The following MACROD2 variants were observed in gnomAD, a reference collection of about 807,000 sequenced individuals.
MACROD2 encodes the protein mono-ADP ribosylhydrolase 2, also known as ADP-ribose glycohydrolase MACROD2.
Under a neutral mutation model 70.4 loss-of-function variants are expected in MACROD2, and 36 were observed. The observed-to-expected ratio is 0.51, with a 90% CI of 0.39 to 0.68. The LOEUF is 0.68. Ranked by LOEUF, MACROD2 falls within the 30% of genes least tolerant of loss-of-function variation. The pLI is 0.00. For missense variants in MACROD2, 496 were observed against 538.4 expected (o/e 0.92, Z 0.78); for synonymous variants, 172 against 178.8 (o/e 0.96, Z 0.30).
At position 14,117,044 on chromosome 20, in the gene MACROD2, C is replaced by T. The variant is rs543625477; in HGVS notation, c.271+31316C>T. ...ATCGTGCCACTGCACTCCAGCCTGGCGACAGAACAAGACTCCATCTCAAAA... is the reference window on the plus strand; with the variant it reads ...ATCGTGCCACTGCACTCCAGCCTGGTGACAGAACAAGACTCCATCTCAAAA... On this transcript the variant is annotated intron_variant, in intron 3 of 17. Transcript: ENST00000684519. 4.9e-4 allele frequency among the ~76,000 whole-genome samples: 67 copies of T among 136,600 alleles called. 1 individual carries two copies. The South Asian group carries it at 5.1e-3, about 10-fold the overall frequency. 89.6% of individuals were successfully genotyped at this position (136,600 alleles called of 152,430 possible). A position where few individuals can be genotyped will look rare whatever the true frequency, so the allele number is the denominator to read the frequency against.
chr20:15,232,987 G>A lies in MACROD2; in HGVS notation c.540+2926G>A, dbSNP rs368737851. ...ACCCTGACGTTATCAGGTAACTTCC[G>A]TGACAAAGAGAGGATCTAGTGGTTG... On this transcript the variant is annotated intron_variant, in intron 6 of 17. Transcript: ENST00000684519. Among the ~76,000 whole-genome samples, 43 of 151,912 alleles carry A rather than the reference G, an allele frequency of 2.8e-4. 1 individual carries two copies. The South Asian group carries it at 4.6e-3, about 16-fold the overall frequency.
At chr20:15,675,058 T>A (rs2050038254) in intron 8 of MACROD2, among the ~76,000 whole-genome samples, 1 of 152,200 alleles carries the variant, frequency 6.6e-6, no homozygotes, top group East Asian at 1.9e-4. Context: ...ATATAAAACA[T>A]GCAGCAAAAT....
chr20:15,878,758 C>G (rs1601043640), intron 9 of MACROD2, among the ~76,000 whole-genome samples: 1 of 152,026 alleles, frequency 6.6e-6, no homozygotes, highest in African/African-American at 2.4e-5. Flanking sequence ...AACTCTGTCT[C>G]CAATAAAAGA....
chr20:15,157,424 T>G (rs2076317111), intron 5 of MACROD2, among the ~76,000 whole-genome samples: 1 of 145,284 alleles, frequency 6.9e-6, no homozygotes, highest in Admixed American at 7.1e-5. Flanking sequence ...GCTGGAGCTT[T>G]GACATATGAA....
chr20:15,531,376 T>C (rs2047799100), intron 8 of MACROD2, among the ~76,000 whole-genome samples: 1 of 151,934 alleles, frequency 6.6e-6, no homozygotes, highest in African/African-American at 2.4e-5. Flanking sequence ...TAATATTTTT[T>C]CTTCTCCTCC....
In MACROD2 at chr20:15,790,552, A is replaced by G. The variant is rs142506726; in HGVS notation, c.646-72193A>G. 8.5e-3 allele frequency among the ~76,000 whole-genome samples: 1,289 copies of G among 152,044 alleles called. 6 individuals are homozygous for G. The highest frequency in any genetic ancestry group is 0.016 in the African/African-American group (681 of 41,536). ...TCAGATTATCCAGGAGGCCGTGTCT[A>G]GGGTTCTTATGTGATTTATGTCTCT... On this transcript the variant is annotated intron_variant, in intron 8 of 17. Transcript: ENST00000684519.
At chr20:14,522,123 C>T (rs1283644687) in intron 4 of MACROD2, among the ~76,000 whole-genome samples, 2 of 152,126 alleles carry the variant, frequency 1.3e-5, no homozygotes, top group Non-Finnish European at 2.9e-5. Flanking sequence ...CTTCTTCTGT[C>T]TGGTTTACAT....
intron 6 of MACROD2, among the ~76,000 whole-genome samples, chr20:15,305,780 C>T (rs536246398): frequency 1.9e-4 from 29 of 151,988 alleles, no homozygotes; most frequent in African/African-American, 4.8e-4. Context: ...AACTATAGAC[C>T]GTAACATATA....
chr20:15,129,814 A>G (rs556019656), intron 5 of MACROD2, among the ~76,000 whole-genome samples: 3 of 151,940 alleles, frequency 2.0e-5, no homozygotes, highest in Admixed American at 2.0e-4. Context: ...GGCTTTTAGC[A>G]TTTCTGCCTC....
At chr20:15,646,152 T>C (rs1006121070) in intron 8 of MACROD2, among the ~76,000 whole-genome samples, 3 of 152,176 alleles carry the variant, frequency 2.0e-5, no homozygotes, top group African/African-American at 7.2e-5. Context: ...CTTCTTCCTT[T>C]CAACACACCC....
intron 5 of MACROD2, among the ~76,000 whole-genome samples, chr20:14,814,031 C>T (rs892682165): frequency 6.6e-6 from 1 of 152,066 alleles, no homozygotes; most frequent in Non-Finnish European, 1.5e-5. Flanking sequence ...AATTCCAAGG[C>T]TTTTAGGAGC....
chr20:15,009,329 C>A (rs2075063891), intron 5 of MACROD2, among the ~76,000 whole-genome samples: 2 of 152,114 alleles, frequency 1.3e-5, no homozygotes, highest in Non-Finnish European at 2.9e-5. Context: ...CAAACTCTGT[C>A]ATCATGACAT....
chr20:14,516,305 A>T (rs980156252), intron 4 of MACROD2, among the ~76,000 whole-genome samples: 1 of 152,050 alleles, frequency 6.6e-6, no homozygotes, highest in African/African-American at 2.4e-5. Flanking sequence ...TCTTTAGTTT[A>T]ATTAGATCCC....
At chr20:15,952,196 C>G (rs967045812) in intron 12 of MACROD2, among the ~76,000 whole-genome samples, 3 of 152,094 alleles carry the variant, frequency 2.0e-5, no homozygotes, top group African/African-American at 7.2e-5. Flanking sequence ...AACTGTAAGT[C>G]CATTAAACCT....
chr20:14,898,797 T>C (rs1039610140), intron 5 of MACROD2, among the ~76,000 whole-genome samples: 6 of 152,238 alleles, frequency 3.9e-5, no homozygotes, highest in African/African-American at 1.2e-4. Flanking sequence ...TTAGGTGATG[T>C]ACCAGTTCTC....
intron 8 of MACROD2, among the ~76,000 whole-genome samples, chr20:15,711,635 A>C (rs1323017043): frequency 2.6e-5 from 4 of 152,168 alleles, no homozygotes; most frequent in Non-Finnish European, 5.9e-5. Context: ...TTACCAGTAC[A>C]TGTGGCTTTT....
At chr20:15,345,749 A>C (rs1425810668) in intron 6 of MACROD2, among the ~76,000 whole-genome samples, 2 of 152,174 alleles carry the variant, frequency 1.3e-5, no homozygotes, top group East Asian at 3.8e-4. Flanking sequence ...ATTGTACTGG[A>C]AGGTGCAGTC....
intron 5 of MACROD2, among the ~76,000 whole-genome samples, chr20:14,965,758 G>T (rs957035419): frequency 6.6e-6 from 1 of 151,778 alleles, no homozygotes; most frequent in Non-Finnish European, 1.5e-5. Flanking sequence ...GTGAGCCACC[G>T]CACCTGGCCT....
chr20:15,104,652 C>T (rs187229768), intron 5 of MACROD2, among the ~76,000 whole-genome samples: 4 of 152,192 alleles, frequency 2.6e-5, no homozygotes, highest in Admixed American at 2.6e-4. Flanking sequence ...TGTTGATACG[C>T]CCATATTGCT....
Sources: gnomAD v4.1 joint callset for allele counts (sites outside exome capture counted in the v4.1 genomes callset) on GRCh38, gnomAD v4.1.1 for gene constraint, MANE v1.5 for transcripts, NCBI Gene and HGNC (gene_info 2026-07-23, HGNC 2026-07-21) for gene names.